The following ZFAND6 variants were observed in gnomAD, a reference collection of about 807,000 sequenced individuals.
ZFAND6 encodes AN1-type zinc finger protein 6.
Under a neutral mutation model 24.5 loss-of-function variants are expected in ZFAND6, and 12 were observed. That is an observed-to-expected ratio of 0.49 (90% CI 0.31 to 0.79). The LOEUF is 0.79. Ranked by LOEUF, ZFAND6 falls within the 30% of genes least tolerant of loss-of-function variation. The pLI is 0.04. For missense variants in ZFAND6, 207 were observed against 245.9 expected (o/e 0.84, Z 1.06); for synonymous variants, 92 against 81.5 (o/e 1.13, Z -0.69).
intron 1 of ZFAND6, among the ~76,000 whole-genome samples, chr15:80,068,603 C>T (rs2036795628): frequency 6.6e-6 from 1 of 152,170 alleles, no homozygotes; most frequent in Non-Finnish European, 1.5e-5. Context: ...AACACCTGAC[C>T]TCAGGTGATC....
chr15:80,131,381 C>T (rs767973116), intron 6 of ZFAND6, 88 bp downstream of exon 6: 1 of 1,142,198 alleles, frequency 8.8e-7, no homozygotes, highest in African/African-American at 1.5e-5. Flanking sequence ...TAAGATTGTT[C>T]CTGTTCCCTT....
At chr15:80,136,734 G>A (rs1168880198) in intron 6 of ZFAND6, among the ~76,000 whole-genome samples, 2 of 152,102 alleles carry the variant, frequency 1.3e-5, no homozygotes, top group South Asian at 4.1e-4. Context: ...ATTCTAATTT[G>A]GGGGAGCAGG....
intron 2 of ZFAND6, among the ~76,000 whole-genome samples, chr15:80,111,854 C>T (rs1261086289): frequency 2.0e-5 from 3 of 152,174 alleles, no homozygotes; most frequent in African/African-American, 4.8e-5. Context: ...GGTCTTGAAT[C>T]GGAGAGTACA....
At chr15:80,122,483 A>G (rs143321051) in intron 4 of ZFAND6, among the ~76,000 whole-genome samples, 1 of 152,336 alleles carries the variant, frequency 6.6e-6, no homozygotes, top group East Asian at 1.9e-4. Flanking sequence ...CACAAAGGAC[A>G]TATACACTGT....
intron 2 of ZFAND6, among the ~76,000 whole-genome samples, chr15:80,109,109 A>G (rs984878141): frequency 3.3e-5 from 5 of 152,176 alleles, no homozygotes; most frequent in Non-Finnish European, 7.4e-5. Context: ...TAAACAGCAA[A>G]TTCAATTTCT....
In ZFAND6 at chr15:80,086,210, G is replaced by A. The variant is rs1038281196; in HGVS notation, c.-180-12206G>A. Among the ~76,000 whole-genome samples, 11 of 151,988 alleles carry A rather than the reference G, an allele frequency of 7.2e-5. No homozygotes were observed. In the East Asian group the frequency reaches 2.1e-3, roughly 29 times the overall value. On this transcript the variant is annotated intron_variant, in intron 1 of 6. Transcript: ENST00000261749. ...TGCACCACCACACCCAGCTAATTTT[G>A]TATTTTTAGTAGAGATGGGATTTCT...
At position 80,092,737 on chromosome 15, in the gene ZFAND6, C is replaced by A. The variant is rs564611641; in HGVS notation, c.-180-5679C>A. Among the ~76,000 whole-genome samples, 6 of 152,030 alleles carry A rather than the reference C, an allele frequency of 3.9e-5. No individual in the cohort carries two copies. The South Asian group carries it at 1.2e-3, about 32-fold the overall frequency. On this transcript the variant is annotated intron_variant, in intron 1 of 6. Coordinates refer to ENST00000261749, the MANE Select transcript of ZFAND6 (RefSeq NM_019006.4). ...TTGGCAACATTGACACACTATAATA[C>A]CAATAGAATTTTTAAAAATTGTTTA...
At chr15:80,111,443 A>C (rs1045058807) in intron 2 of ZFAND6, 1 of 449,466 alleles carries the variant, frequency 2.2e-6, no homozygotes. Context: ...ACATCCTGGG[A>C]ATACTGTATT....
intron 1 of ZFAND6, chr15:80,075,398 G>C: frequency 5.5e-6 from 1 of 183,004 alleles, no homozygotes; most frequent in Middle Eastern, 4.9e-4. Context: ...ATTTTTTTTA[G>C]TGGTTTCTGT....
At chr15:80,076,791 T>C (rs1489375933) in intron 1 of ZFAND6, among the ~76,000 whole-genome samples, 1 of 152,192 alleles carries the variant, frequency 6.6e-6, no homozygotes, top group Admixed American at 6.5e-5. Context: ...CTATTCCTTT[T>C]TTCCCTCACA....
At chr15:80,068,251 G>T (rs1036383124) in intron 1 of ZFAND6, among the ~76,000 whole-genome samples, 12 of 151,900 alleles carry the variant, frequency 7.9e-5, no homozygotes, top group African/African-American at 2.7e-4. Flanking sequence ...TGGCTCAAGG[G>T]ATCCTCCCAC....
At position 80,135,507 on chromosome 15, in the gene ZFAND6, C is replaced by G. The variant is rs1024563172; in HGVS notation, c.479-1973C>G. On this transcript the variant is annotated intron_variant, in intron 6 of 6. Coordinates refer to ENST00000261749, the MANE Select transcript of ZFAND6 (RefSeq NM_019006.4). The stretch of plus-strand genomic sequence containing the variant: ...TGTTTACCATGTGCCAGGCACTGTG[C>G]TGAACACTGCATAAAAATTGGACTT... Among the ~76,000 whole-genome samples the G allele has an allele frequency of 2.6e-5, 4 of 152,240 alleles. No individual in the cohort carries two copies. In the East Asian group the frequency reaches 7.7e-4, roughly 29 times the overall value.
chr15:80,120,721 C>T (rs1316875519), intron 3 of ZFAND6: 1 of 287,112 alleles, frequency 3.5e-6, no homozygotes, highest in Non-Finnish European at 6.3e-6. Flanking sequence ...AATCTTATTT[C>T]TGTGGCTGTG....
In ZFAND6 at chr15:80,073,143, C is replaced by T. The variant is rs1050263002; in HGVS notation, c.-181+13334C>T. On this transcript the variant is annotated intron_variant, in intron 1 of 6. Transcript: ENST00000261749. ...TTAATTTCAGTATATTTTAATTTAA[C>T]AATATGTTGACATTTTTAATATGCT... is the stretch of plus-strand genomic sequence containing the variant. 2.4e-5 allele frequency: 4 copies of T among 169,104 alleles called. No homozygotes were observed. In the Admixed American group the frequency reaches 2.5e-4, roughly 10 times the overall value. The allele number at this position is 169,104 out of a possible 1,614,324, so 10.5% of individuals were successfully genotyped here. A position where few individuals can be genotyped will look rare whatever the true frequency, so the allele number is the denominator to read the frequency against.
intron 1 of ZFAND6, among the ~76,000 whole-genome samples, chr15:80,094,819 C>G (rs1043227202): frequency 1.3e-5 from 2 of 151,828 alleles, no homozygotes; most frequent in Non-Finnish European, 2.9e-5. Context: ...GGGTTTTGCT[C>G]TTGTATCCCA....
At chr15:80,090,095 C>CTGAGT (rs35690027) in intron 1 of ZFAND6, among the ~76,000 whole-genome samples, 1 of 152,070 alleles carries the variant, frequency 6.6e-6, no homozygotes, top group Non-Finnish European at 1.5e-5. Context: ...GTCTGTTTTC[C>CTGAGT]TGAGTAGCAG....
chr15:80,121,366 T>C (rs969084084), intron 3 of ZFAND6, among the ~76,000 whole-genome samples: 2 of 152,228 alleles, frequency 1.3e-5, no homozygotes, highest in African/African-American at 4.8e-5. Context: ...TCTGAACCTA[T>C]ATTCTTCACT....
chr15:80,128,061 T>C (rs112225894), intron 5 of ZFAND6, among the ~76,000 whole-genome samples: 10 of 152,332 alleles, frequency 6.6e-5, no homozygotes, highest in African/African-American at 2.4e-4. Flanking sequence ...GAAAATATGC[T>C]GAATAAAAGA....
rs372827570 is a variant in ZFAND6 at position 80,110,611 on chromosome 15, C to A, written c.-17-9717C>A. 1.8e-4 allele frequency among the ~76,000 whole-genome samples: 27 copies of A among 150,428 alleles called. No individual in the cohort carries two copies. In the East Asian group the frequency reaches 2.7e-3, roughly 15 times the overall value. The stretch of plus-strand genomic sequence containing the variant: ...GAAGATTAAAACTGATACTAGATAT[C>A]AAAAAAAACTGTATAATTTAGAATA... On this transcript the variant is annotated intron_variant, in intron 2 of 6. Coordinates refer to ENST00000261749, the MANE Select transcript of ZFAND6 (RefSeq NM_019006.4).
Sources: gnomAD v4.1 joint callset for allele counts (sites outside exome capture counted in the v4.1 genomes callset) on GRCh38, gnomAD v4.1.1 for gene constraint, MANE v1.5 for transcripts, NCBI Gene and HGNC (gene_info 2026-07-23, HGNC 2026-07-21) for gene names.